Variants in CCDC50 observed in about 807,000 individuals in gnomAD.
CCDC50 encodes the protein coiled-coil domain-containing protein 50.
A neutral mutation model predicts 70.2 loss-of-function variants in CCDC50; 54 were observed. The ratio of observed to expected loss-of-function variants is 0.77; its 90% CI spans 0.62 to 0.96. The LOEUF is 0.96. Among genes scored for constraint, CCDC50 ranks in the 50% least tolerant of loss-of-function variants. The probability of loss-of-function intolerance (pLI) is 0.00; values close to 1 mark genes in which losing one functional copy is unlikely to be tolerated. For synonymous variants in CCDC50, 216 were observed against 198.8 expected (o/e 1.09, Z -0.73); for missense variants, 558 against 578.7 (o/e 0.96, Z 0.37).
chr3:191,365,069 T>C (rs1712634282), intron 4 of CCDC50, among the ~76,000 whole-genome samples: 1 of 146,772 alleles, frequency 6.8e-6, no homozygotes, highest in Non-Finnish European at 1.5e-5. Context: ...AGTGTGTGTG[T>C]ACTTATGTGC....
intron 5 of CCDC50, among the ~76,000 whole-genome samples, chr3:191,371,932 TAAA>T (rs912445876): frequency 6.6e-6 from 1 of 152,212 alleles, no homozygotes; most frequent in Admixed American, 6.5e-5. Context: ...TTCCCTTTTT[TAAA>T]AAGTCTGCTT....
In CCDC50 at chr3:191,364,382, T is replaced by C. The variant is rs1017244699; in HGVS notation, c.330+3223T>C. ...GCGCCCGGCCTCCTTTTTTTTTTTT[T>C]CCCCTTCCCTCTCAATGCTCTTCTG... On this transcript the variant is annotated intron_variant, in intron 4 of 11. Coordinates refer to ENST00000392455, the MANE Select transcript of CCDC50 (RefSeq NM_178335.3). Among the ~76,000 whole-genome samples, 176 of 149,354 alleles carry C rather than the reference T, an allele frequency of 1.2e-3. 1 individual carries two copies. Among genetic ancestry groups the C allele is most frequent in the Non-Finnish European group, 1.4e-3 (97 of 67,200 alleles).
chr3:191,330,176 A>T (rs888877543), intron 1 of CCDC50, among the ~76,000 whole-genome samples: 1 of 151,944 alleles, frequency 6.6e-6, no homozygotes, highest in Non-Finnish European at 1.5e-5. Flanking sequence ...TTCTCTCCCT[A>T]CTTTTCCTAG....
intron 1 of CCDC50, among the ~76,000 whole-genome samples, chr3:191,332,143 T>C (rs1477892135): frequency 6.6e-6 from 1 of 152,202 alleles, no homozygotes; most frequent in African/African-American, 2.4e-5. Flanking sequence ...TGACCTTTTG[T>C]CGTGAACATT....
At position 191,364,156 on chromosome 3, in the gene CCDC50, C is replaced by T. The variant is rs145163589; in HGVS notation, c.330+2997C>T. 1.3e-3 allele frequency among the ~76,000 whole-genome samples: 202 copies of T among 151,914 alleles called. 1 individual carries two copies. Among genetic ancestry groups the T allele is most frequent in the African/African-American group, 4.7e-3 (194 of 41,432 alleles). ...CAATCTTCGCTCACTGCAACCACTG[C>T]CTCCTGGGTTCAAGCGATTCCCCTG... On this transcript the variant is annotated intron_variant, in intron 4 of 11. Coordinates refer to ENST00000392455, the MANE Select transcript of CCDC50 (RefSeq NM_178335.3).
chr3:191,330,899 T>C (rs1280800462), intron 1 of CCDC50, among the ~76,000 whole-genome samples: 1 of 152,172 alleles, frequency 6.6e-6, no homozygotes, highest in Non-Finnish European at 1.5e-5. Flanking sequence ...AGTTCTGTCT[T>C]ACTGTTCCGG....
At chr3:191,333,397 A>G (rs1718051026) in intron 1 of CCDC50, among the ~76,000 whole-genome samples, 1 of 152,188 alleles carries the variant, frequency 6.6e-6, no homozygotes. Context: ...TGGTACCATC[A>G]GTGAACCCAG....
chr3:191,391,497 G>A (rs571292924), intron 11 of CCDC50, among the ~76,000 whole-genome samples: 2 of 152,314 alleles, frequency 1.3e-5, no homozygotes, highest in South Asian at 4.1e-4. Context: ...TAACGAAGTA[G>A]CTCATATTTT....
intron 4 of CCDC50, among the ~76,000 whole-genome samples, chr3:191,362,946 G>T (rs1431733595): frequency 6.6e-6 from 1 of 152,178 alleles, no homozygotes; most frequent in African/African-American, 2.4e-5. Context: ...TTATAGTGAA[G>T]ACTTTGCTTT....
intron 1 of CCDC50, among the ~76,000 whole-genome samples, chr3:191,343,237 C>T (rs1185710923): frequency 6.6e-6 from 1 of 152,156 alleles, no homozygotes; most frequent in East Asian, 1.9e-4. Context: ...GCTATTATTT[C>T]TCTCATATTA....
In CCDC50 at chr3:191,384,793, A is replaced by G. The variant is rs549323811; in HGVS notation, c.1322+1968A>G. Among the ~76,000 whole-genome samples the G allele has an allele frequency of 3.3e-5, 5 of 152,278 alleles. No individual in the cohort carries two copies. The South Asian group carries it at 1.0e-3, about 32-fold the overall frequency. On this transcript the variant is annotated intron_variant, in intron 10 of 11. Transcript: ENST00000392455. Reference sequence around the variant, plus strand: ...CACCCAGATAGTGAACAGAGTACCCAGTAGGAAGTTTCTCAGCCCTTGCCT... The same window carrying G: ...CACCCAGATAGTGAACAGAGTACCCGGTAGGAAGTTTCTCAGCCCTTGCCT...
chr3:191,353,301 A>C (rs752371072), intron 1 of CCDC50, among the ~76,000 whole-genome samples: 1 of 142,186 alleles, frequency 7.0e-6, no homozygotes, highest in African/African-American at 2.5e-5. Context: ...TTTTAATAGC[A>C]GACTGGGACT....
At chr3:191,369,359 G>A (rs900024218) in intron 4 of CCDC50, among the ~76,000 whole-genome samples, 1 of 151,716 alleles carries the variant, frequency 6.6e-6, no homozygotes, top group Non-Finnish European at 1.5e-5. Context: ...GAAACATTAC[G>A]GAATGTTATT....
intron 9 of CCDC50, among the ~76,000 whole-genome samples, chr3:191,381,673 G>C (rs114325745): frequency 5.8e-4 from 89 of 152,230 alleles, no homozygotes; most frequent in African/African-American, 1.9e-3. Flanking sequence ...CTAACAAATA[G>C]AAGGTTAAGC....
intron 10 of CCDC50, among the ~76,000 whole-genome samples, chr3:191,387,483 G>A (rs1007689198): frequency 1.0e-4 from 15 of 150,390 alleles, no homozygotes; most frequent in African/African-American, 3.8e-4. Flanking sequence ...AAATAATTTG[G>A]TGTAGGACTC....
chr3:191,380,139 GTT>G lies in CCDC50; in HGVS notation c.977-6_977-5del, dbSNP rs34031057. 509 of 1,180,776 alleles carry G rather than the reference GTT, an allele frequency of 4.3e-4. No individual in the cohort carries two copies. Among genetic ancestry groups the G allele is most frequent in the African/African-American group, 7.2e-4 (44 of 61,492 alleles). 73.1% of individuals were successfully genotyped at this position (1,180,776 alleles called of 1,614,324 possible). ...ATCCTCGGTTGTTTTATTACATTGA[GTT>G]TTTTTTTTTTTTTAAAGGAATGAAG... On this transcript the variant is annotated intron_variant, in intron 6 of 11. Coordinates refer to ENST00000392455, the MANE Select transcript of CCDC50 (RefSeq NM_178335.3).
chr3:191,364,358 C>T (rs891340975), intron 4 of CCDC50, among the ~76,000 whole-genome samples: 1 of 150,962 alleles, frequency 6.6e-6, no homozygotes, highest in African/African-American at 2.4e-5. Context: ...CGAGCCACCG[C>T]GCCCGGCCTC....
At chr3:191,360,418 G>A (rs899671491) in intron 3 of CCDC50, among the ~76,000 whole-genome samples, 1 of 152,182 alleles carries the variant, frequency 6.6e-6, no homozygotes, top group African/African-American at 2.4e-5. Flanking sequence ...CACATCCAAT[G>A]TAGTTATTAG....
chr3:191,375,264 T>C lies in CCDC50; in HGVS notation c.651T>C (p.His217=), dbSNP rs2028572. 0.41 allele frequency: 659,012 copies of C among 1,613,266 alleles called. 138,279 individuals are homozygous for C. The highest frequency in any genetic ancestry group is 0.68 in the African/African-American group (51,209 of 74,940). ...CGGGCAAAGGGAGGGACAATCCCCA[T>C]ATTAACAATGAGCAGCATGAAAGGA... ...SSSGKGRDNP[H]INNEQHERKR... is the part of the protein sequence containing the mutation. Residue 217 remains histidine (H), a synonymous_variant, in exon 6 of 12, where the codon CAT becomes CAC. Transcript: ENST00000392455.
Sources: gnomAD v4.1 joint callset for allele counts (sites outside exome capture counted in the v4.1 genomes callset) on GRCh38, gnomAD v4.1.1 for gene constraint, MANE v1.5 for transcripts, NCBI Gene and HGNC (gene_info 2026-07-23, HGNC 2026-07-21) for gene names.